Variants in UBR4 observed in about 807,000 individuals in gnomAD.
UBR4 encodes the protein E3 ubiquitin-protein ligase UBR4.
A neutral mutation model predicts 575.6 loss-of-function variants in UBR4; 124 were observed. That is an observed-to-expected ratio of 0.22 (90% confidence interval 0.19 to 0.25). The LOEUF (loss-of-function observed/expected upper bound fraction) is 0.25, where lower values mean the gene tolerates loss of function less well. Among genes scored for constraint, UBR4 ranks in the 10% least tolerant of loss-of-function variants. The probability of loss-of-function intolerance (pLI) is 1.00; values close to 1 mark genes in which losing one functional copy is unlikely to be tolerated. For synonymous variants in UBR4, 2,455 were observed against 2,473.7 expected, an observed-to-expected ratio of 0.99 and a Z score of 0.22; for missense variants, 4,818 against 6,478.8, an observed-to-expected ratio of 0.74 and a Z score of 8.80.
intron 11 of UBR4, 89 bp from the exon 12 acceptor site, chr1:19,187,629 T>C (rs2151318845): frequency 2.3e-6 from 3 of 1,278,450 alleles, no homozygotes; most frequent in Non-Finnish European, 3.3e-6. Flanking sequence ...ATTTTGGGGT[T>C]TCAGACCCCT....
chr1:19,208,466 CAAAAAAAA>C (rs71030137), intron 1 of UBR4, among the ~76,000 whole-genome samples: 25 of 76,886 alleles, frequency 3.3e-4, no homozygotes, highest in East Asian at 2.7e-3. Flanking sequence ...GAATCCATCT[CAAAAAAAA>C]AAAAAAAAAA....
chr1:19,128,444 T>A, intron 61 of UBR4, 126 bp from the exon 62 acceptor site: 1 of 796,286 alleles, frequency 1.3e-6, no homozygotes, highest in Non-Finnish European at 2.0e-6. Flanking sequence ...TAATCCATTA[T>A]AGCGTTCTAA....
Position 19,172,990 on chromosome 1 carries a change from T to C in UBR4, c.3395A>G (p.Gln1132Arg). The C allele has an allele frequency of 6.2e-7, 1 of 1,614,210 alleles. No homozygotes were observed. The highest frequency in any genetic ancestry group is 1.6e-4 in the Middle Eastern group (1 of 6,062). Residue 1132 changes from glutamine to arginine, a missense_variant, in exon 25 of 106, where the codon CAG (glutamine) becomes CGG (arginine). Transcript: ENST00000375254. Reference sequence around the variant, plus strand: ...AGAAAAATGCTCATCCAAAGAGACCTGGACCTTTGAGATCGCGGCATCAAG... The same window carrying C: ...AGAAAAATGCTCATCCAAAGAGACCCGGACCTTTGAGATCGCGGCATCAAG... ...YTLDAAISKV[Q>R]VSLDEHFSKM...
intron 28 of UBR4, among the ~76,000 whole-genome samples, chr1:19,167,649 T>C (rs779908427): frequency 2.0e-5 from 3 of 152,162 alleles, no homozygotes; most frequent in Non-Finnish European, 4.4e-5. Flanking sequence ...AAGAAGACAA[T>C]AGTCCCTCCA....
intron 88 of UBR4, 63 bp downstream of exon 88, chr1:19,101,457 G>A (rs1557580010): frequency 1.3e-6 from 2 of 1,543,430 alleles, no homozygotes; most frequent in East Asian, 4.6e-5. Context: ...ATCACCAAGA[G>A]GCTTCATGGC....
chr1:19,134,086 TAA>T (rs71030132), intron 60 of UBR4, among the ~76,000 whole-genome samples: 62 of 52,492 alleles, frequency 1.2e-3, no homozygotes, highest in African/African-American at 2.8e-3. Flanking sequence ...ACTCTGTCTC[TAA>T]AAAAAAAAAA....
Position 19,196,638 on chromosome 1 carries a change from C to A in UBR4, c.1018+503G>T, listed in dbSNP as rs538230042. On this transcript the variant is annotated intron_variant, in intron 8 of 105. Coordinates refer to ENST00000375254, the MANE Select transcript of UBR4 (RefSeq NM_020765.3). ...TGGAAGCTTAAAGAATATCATTCTT[C>A]GCATTTATCAGTATAAACAGATACC... 7.8e-4 allele frequency among the ~76,000 whole-genome samples: 119 copies of A among 152,326 alleles called. 6 individuals carry two copies. The South Asian group carries it at 0.024, about 30-fold the overall frequency.
At chr1:19,169,922 G>A (rs762884504) in intron 26 of UBR4, among the ~76,000 whole-genome samples, 22 of 152,290 alleles carry the variant, frequency 1.4e-4, no homozygotes, top group Admixed American at 8.5e-4. Flanking sequence ...CGAATCTTAA[G>A]GGCAGGGATC....
chr1:19,197,222 G>T lies in UBR4; in HGVS notation c.937C>A (p.Leu313Ile). 6.2e-7 allele frequency: 1 copy of T among 1,614,162 alleles called. No individual in the cohort carries two copies. Among genetic ancestry groups the T allele is most frequent in the Non-Finnish European group, 8.5e-7 (1 of 1,180,026 alleles). ...AGAGGTTCCAACACAGGTAGAGAAA[G>T]GGTATCCAATGCCATAGTTACATCA... is the stretch of plus-strand genomic sequence containing the variant. ...VIDVTMALDT[L>I]SLPVLEPLNP... is the part of the protein sequence containing the mutation. The change falls in exon 8 of 106, where the codon CTT becomes ATT. Residue 313 changes from leucine to isoleucine, a missense_variant. Leu to Ile is a conservative substitution (Grantham distance 5). Coordinates refer to ENST00000375254, the MANE Select transcript of UBR4 (RefSeq NM_020765.3).
chr1:19,151,102 A>G, intron 48 of UBR4: 3 of 424,936 alleles, frequency 7.1e-6, no homozygotes, highest in Non-Finnish European at 1.3e-5. Context: ...GTCTCTACAC[A>G]CTTTCTTTGT....
Position 19,141,784 on chromosome 1 carries a change from C to A in UBR4, c.8180-7G>T, listed in dbSNP as rs779108458. On this transcript the variant is annotated splice_region_variant and splice_polypyrimidine_tract_variant and intron_variant, in intron 55 of 105. Transcript: ENST00000375254. ...TCATCATCATCCTTGTCTCCTGAGT[C>A]AAAGAAACCCCAGTCACCTGAAGGT... 19 of 1,613,462 alleles carry A rather than the reference C, an allele frequency of 1.2e-5. No homozygotes were observed. The African/African-American group carries it at 2.0e-4, about 17-fold the overall frequency.
intron 103 of UBR4, chr1:19,079,786 G>A (rs567177341): frequency 2.0e-5 from 3 of 152,340 alleles, no homozygotes; most frequent in African/African-American, 4.8e-5. Context: ...TCACGGCCCC[G>A]GACCACGGCC....
rs772987919 is a variant in UBR4 at position 19,114,026 on chromosome 1, C to T, written c.11247G>A (p.Val3749=). Residue 3749 remains valine (V), a synonymous_variant, in exon 76 of 106, where the codon GTG becomes GTA. Coordinates refer to ENST00000375254, the MANE Select transcript of UBR4 (RefSeq NM_020765.3). ...GCCGGTGTCCCATCAGCTGATGATA[C>T]ACTCGATCAGCTTTGTCCAAAAGTG... ...INTLLDKADR[V]YHQLMGHRPQ... The T allele has an allele frequency of 1.2e-6, 2 of 1,614,240 alleles. No individual in the cohort carries two copies. Among genetic ancestry groups the T allele is most frequent in the Middle Eastern group, 1.7e-4 (1 of 6,060 alleles).
chr1:19,182,443 C>A (rs2091073232), intron 17 of UBR4, among the ~76,000 whole-genome samples: 1 of 152,020 alleles, frequency 6.6e-6, no homozygotes. Context: ...GCCTCAAACT[C>A]CTGAGCTCAA....
In UBR4 at chr1:19,185,088, C is replaced by A. The variant is rs1371502411; in HGVS notation, c.1938+11G>T. The stretch of plus-strand genomic sequence containing the variant: ...GTCCACTTCCCCTAAACCTTAGAAA[C>A]CTACTCTTACCAACTCAGGATCTTT... On this transcript the variant is annotated intron_variant, in intron 15 of 105. Transcript: ENST00000375254. 1.9e-6 allele frequency: 3 copies of A among 1,614,142 alleles called. No individual in the cohort carries two copies. The highest frequency in any genetic ancestry group is 1.7e-4 in the Middle Eastern group (1 of 6,060).
At chr1:19,204,533 A>AT (rs200363179) in intron 1 of UBR4, among the ~76,000 whole-genome samples, 2,472 of 150,762 alleles carry the variant, frequency 0.016, 61 homozygotes, top group African/African-American at 0.056. Context: ...TATATAAAAA[A>AT]AAATATATAT....
chr1:19,093,289 C>T lies in UBR4; in HGVS notation c.14111+24G>A, dbSNP rs1463231483. ...AAAGGGCAAAGCGAAGGCAAAGCAG[C>T]CCCGCTGCGGGAGGGCTTCATACTT... is the stretch of plus-strand genomic sequence containing the variant. On this transcript the variant is annotated intron_variant, in intron 96 of 105. Transcript: ENST00000375254. This position sits in a 1 kb window ranked among gnomAD's most constrained non-coding sequence, Gnocchi z 4.8. 1 of 1,607,704 alleles carries T rather than the reference C, an allele frequency of 6.2e-7. No individual in the cohort carries two copies.
At chr1:19,084,803 A>G in intron 101 of UBR4, 105 bp from the exon 102 acceptor site, 1 of 1,118,400 alleles carries the variant, frequency 8.9e-7, no homozygotes, top group Non-Finnish European at 1.3e-6. Context: ...GATGGCTGCA[A>G]AGGTTTGCAA....
chr1:19,115,189 GTGTGCACA>G (rs1038795122), intron 74 of UBR4, among the ~76,000 whole-genome samples: 28 of 99,624 alleles, frequency 2.8e-4, no homozygotes, highest in African/African-American at 1.0e-3. Flanking sequence ...AGACACACTC[GTGTGCACA>G]TGCACACACA....
Sources: allele counts gnomAD v4.1 joint callset (sites outside exome capture counted in the v4.1 genomes callset), GRCh38; gene constraint gnomAD v4.1.1; non-coding constraint Gnocchi (gnomAD v3.1); transcripts MANE v1.5; gene names NCBI Gene and HGNC (gene_info 2026-07-23, HGNC 2026-07-21).